Variants in TBC1D5 observed in about 807,000 individuals in gnomAD.
TBC1D5 encodes TBC1 domain family member 5.
A neutral mutation model predicts 100.3 loss-of-function variants in TBC1D5; 75 were observed. The ratio of observed to expected loss-of-function variants is 0.75; its 90% CI spans 0.62 to 0.91. The LOEUF is 0.91. Among genes scored for constraint, TBC1D5 ranks in the 40% least tolerant of loss-of-function variants. The pLI is 0.00. For missense variants in TBC1D5, 910 were observed against 942.4 expected (o/e 0.97, Z 0.45); for synonymous variants, 323 against 325.6 (o/e 0.99, Z 0.09).
intron 18 of TBC1D5, among the ~76,000 whole-genome samples, chr3:17,185,424 T>C (rs564543977): frequency 6.0e-4 from 91 of 152,330 alleles, no homozygotes; most frequent in Admixed American, 1.1e-3. Flanking sequence ...ATTTTTCTAA[T>C]TGAATTCTAG....
At chr3:17,254,453 T>G (rs915195392) in intron 16 of TBC1D5, among the ~76,000 whole-genome samples, 3 of 152,228 alleles carry the variant, frequency 2.0e-5, no homozygotes, top group Admixed American at 2.0e-4. Context: ...AATTTGCATT[T>G]TCCTGATGAC....
intron 2 of TBC1D5, among the ~76,000 whole-genome samples, chr3:17,579,464 A>G (rs1203826322): frequency 1.3e-5 from 2 of 152,124 alleles, no homozygotes; most frequent in Non-Finnish European, 2.9e-5. Context: ...GACTACCAGA[A>G]CTGCAAGGAA....
chr3:17,272,807 T>G (rs2079564680), intron 15 of TBC1D5, among the ~76,000 whole-genome samples: 1 of 152,146 alleles, frequency 6.6e-6, no homozygotes, highest in Non-Finnish European at 1.5e-5. Context: ...TTGATAATAC[T>G]TCGTAATTTT....
intron 18 of TBC1D5, among the ~76,000 whole-genome samples, chr3:17,203,359 C>G (rs139541858): frequency 6.6e-6 from 1 of 152,206 alleles, no homozygotes; most frequent in African/African-American, 2.4e-5. Context: ...TTTAATTTTA[C>G]AGGCTCATAG....
chr3:17,263,366 CAAAA>C (rs71049192), intron 15 of TBC1D5, among the ~76,000 whole-genome samples: 7 of 80,962 alleles, frequency 8.6e-5, no homozygotes, highest in Admixed American at 1.5e-4. Context: ...ACCCTGTCTC[CAAAA>C]AAAAAAAAAA....
At chr3:17,169,869 T>C (rs1408223875) in intron 19 of TBC1D5, among the ~76,000 whole-genome samples, 6 of 152,308 alleles carry the variant, frequency 3.9e-5, no homozygotes, top group Middle Eastern at 3.4e-3. Flanking sequence ...GGTTTCGCGA[T>C]GAAACTGTTC....
Position 17,513,158 on chromosome 3 carries a change from T to TC in TBC1D5, c.-35-4554dup, listed in dbSNP as rs1221791794. On this transcript the variant is annotated intron_variant, in intron 2 of 21. Coordinates refer to ENST00000253692, the Ensembl canonical transcript of TBC1D5. The stretch of plus-strand genomic sequence containing the variant: ...ACCACCCCGGCCAATATGGTGAAAC[T>TC]CCATCTCAACTAAAAATACAAAAAT... Among the ~76,000 whole-genome samples the TC allele has an allele frequency of 3.3e-5, 5 of 151,860 alleles. No homozygotes were observed. In the East Asian group the frequency reaches 9.7e-4, roughly 29 times the overall value.
At chr3:17,651,956 G>A (rs1337703344) in intron 1 of TBC1D5, among the ~76,000 whole-genome samples, 2 of 152,132 alleles carry the variant, frequency 1.3e-5, no homozygotes. Flanking sequence ...GGATCTTCCA[G>A]AGCTTCTGAC....
At chr3:17,512,672 C>A (rs1490594241) in intron 2 of TBC1D5, among the ~76,000 whole-genome samples, 3 of 152,208 alleles carry the variant, frequency 2.0e-5, no homozygotes, top group South Asian at 4.1e-4. Flanking sequence ...CTTCCACGAT[C>A]TGGGAAAGGC....
intron 3 of TBC1D5, among the ~76,000 whole-genome samples, chr3:17,490,958 A>G (rs1313539763): frequency 6.6e-6 from 1 of 152,050 alleles, no homozygotes; most frequent in Admixed American, 6.6e-5. Context: ...ATGTTTTTCC[A>G]TTTATTTGTG....
At chr3:17,253,276 G>C (rs909872719) in intron 16 of TBC1D5, among the ~76,000 whole-genome samples, 1 of 152,104 alleles carries the variant, frequency 6.6e-6, no homozygotes, top group Non-Finnish European at 1.5e-5. Flanking sequence ...ATCAGTATTA[G>C]TAATTTGTTG....
At chr3:17,211,739 T>A (rs1308625354) in intron 18 of TBC1D5, among the ~76,000 whole-genome samples, 2 of 152,272 alleles carry the variant, frequency 1.3e-5, no homozygotes, top group African/African-American at 4.8e-5. Flanking sequence ...TACTGTTTTT[T>A]CTTGTTTTCT....
chr3:17,358,413 C>T (rs933977229), intron 13 of TBC1D5, among the ~76,000 whole-genome samples: 4 of 151,876 alleles, frequency 2.6e-5, no homozygotes, highest in Admixed American at 6.6e-5. Flanking sequence ...CTTGAACTCC[C>T]GACCTCAGGT....
At chr3:17,427,682 T>C (rs991866716) in intron 4 of TBC1D5, among the ~76,000 whole-genome samples, 3 of 151,932 alleles carry the variant, frequency 2.0e-5, no homozygotes, top group African/African-American at 4.8e-5. Context: ...AGAATCTGCA[T>C]TGCCATCTAT....
chr3:17,645,626 G>A (rs1440731171), intron 1 of TBC1D5, among the ~76,000 whole-genome samples: 2 of 152,026 alleles, frequency 1.3e-5, no homozygotes, highest in Non-Finnish European at 2.9e-5. Context: ...TCTAGGCTTA[G>A]GTTTCCTCTT....
chr3:17,595,316 G>A (rs907805306), intron 2 of TBC1D5, among the ~76,000 whole-genome samples: 1 of 152,100 alleles, frequency 6.6e-6, no homozygotes, highest in Admixed American at 6.5e-5. Flanking sequence ...GAATTTGCCA[G>A]GATATGGGTA....
chr3:17,470,865 G>C (rs1244737237), intron 3 of TBC1D5, among the ~76,000 whole-genome samples: 1 of 152,090 alleles, frequency 6.6e-6, no homozygotes, highest in African/African-American at 2.4e-5. Flanking sequence ...AAGTTGCAGT[G>C]AGCCAAGATC....
intron 4 of TBC1D5, among the ~76,000 whole-genome samples, chr3:17,411,867 A>G (rs79842270): frequency 0.022 from 3,423 of 152,268 alleles, 106 homozygotes; most frequent in African/African-American, 0.077. Flanking sequence ...AAATTTATTC[A>G]TGGGTACTTA....
chr3:17,363,321 T>C (rs976375663), intron 13 of TBC1D5, among the ~76,000 whole-genome samples: 1 of 152,142 alleles, frequency 6.6e-6, no homozygotes, highest in South Asian at 2.1e-4. Context: ...AATAATCCAA[T>C]TGGTCAGATT....
Sources: allele counts gnomAD v4.1 joint callset (sites outside exome capture counted in the v4.1 genomes callset), GRCh38; gene constraint gnomAD v4.1.1; transcripts MANE v1.5; gene names NCBI Gene and HGNC (gene_info 2026-07-23, HGNC 2026-07-21).